COL23A1: variants seen among roughly 807,000 people sequenced by gnomAD.
The protein encoded by COL23A1 is collagen alpha-1(XXIII) chain.
COL23A1 carries 97 observed loss-of-function variants against 99.3 expected under a neutral mutation model. The ratio of observed to expected loss-of-function variants is 0.98; its 90% confidence interval spans 0.83 to 1.16. COL23A1 has a LOEUF of 1.16. Ranked by LOEUF, COL23A1 falls within the 50% of genes most tolerant of loss-of-function variation. The pLI is 0.00. For synonymous variants in COL23A1, 320 were observed against 308.2 expected (o/e 1.04, Z -0.40); for missense variants, 762 against 757.4 (o/e 1.01, Z -0.07).
intron 14 of COL23A1, 152 bp from the exon 15 acceptor site, chr5:178,256,549 A>T (rs1054089956): frequency 8.8e-6 from 6 of 678,554 alleles, no homozygotes; most frequent in Non-Finnish European, 1.2e-5. Flanking sequence ...CACTCCAGGA[A>T]CGGGGCTCCT....
chr5:178,465,433 T>A (rs1231832550), intron 2 of COL23A1, among the ~76,000 whole-genome samples: 2 of 152,110 alleles, frequency 1.3e-5, no homozygotes, highest in East Asian at 3.9e-4. Flanking sequence ...TCTCAGAAGG[T>A]CAGGAACCCA....
At chr5:178,251,904 CTTTTCTTTT>C (rs969546273) in intron 17 of COL23A1, among the ~76,000 whole-genome samples, 9 of 111,132 alleles carry the variant, frequency 8.1e-5, no homozygotes, top group South Asian at 7.0e-4. Flanking sequence ...CTTTCATTTT[CTTTTCTTTT>C]TTTTTTTTTT....
chr5:178,530,628 C>T (rs976961420), intron 2 of COL23A1, among the ~76,000 whole-genome samples: 15 of 152,126 alleles, frequency 9.9e-5, no homozygotes, highest in African/African-American at 3.1e-4. Flanking sequence ...AACCCAGTGG[C>T]TAATTTGTGA....
rs995760864 is a variant in COL23A1, at chr5:178,451,322, T to C, written c.361+109360A>G. Among the ~76,000 whole-genome samples the C allele has an allele frequency of 5.3e-5, 8 of 152,082 alleles. No homozygotes were observed. The East Asian group carries it at 1.5e-3, about 29-fold the overall frequency. ...CTGATCTCTAGAAATCCTAAGAGAA[T>C]AAGAAGCAATGAAAGAATTTAGTAA... On this transcript the variant is annotated intron_variant, in intron 2 of 28. Transcript: ENST00000390654.
At chr5:178,435,100 C>T (rs1766485872) in intron 2 of COL23A1, among the ~76,000 whole-genome samples, 1 of 152,206 alleles carries the variant, frequency 6.6e-6, no homozygotes, top group South Asian at 2.1e-4. Flanking sequence ...AGATTTGCCT[C>T]TCTCTGGGGA....
At chr5:178,482,492 A>T (rs1757394449) in intron 2 of COL23A1, among the ~76,000 whole-genome samples, 1 of 152,176 alleles carries the variant, frequency 6.6e-6, no homozygotes, top group Non-Finnish European at 1.5e-5. Flanking sequence ...ATGGAGTTTC[A>T]GTTGGGGAAG....
chr5:178,584,035 A>AT (rs1001372995), intron 1 of COL23A1, among the ~76,000 whole-genome samples: 3 of 151,556 alleles, frequency 2.0e-5, no homozygotes, highest in Non-Finnish European at 1.5e-5. Flanking sequence ...GCTGATTATT[A>AT]TTTTTTTTGA....
intron 2 of COL23A1, among the ~76,000 whole-genome samples, chr5:178,472,235 T>C (rs1054248525): frequency 4.6e-5 from 7 of 152,188 alleles, no homozygotes; most frequent in Admixed American, 3.9e-4. Flanking sequence ...GAAAGGGGCT[T>C]GAAGGAACAT....
chr5:178,586,087 C>G (rs2113759325), intron 1 of COL23A1, among the ~76,000 whole-genome samples: 2 of 152,276 alleles, frequency 1.3e-5, no homozygotes, highest in South Asian at 4.1e-4. Context: ...CACCTTGTGA[C>G]CATGAGGAAA....
intron 5 of COL23A1, among the ~76,000 whole-genome samples, chr5:178,279,523 T>C (rs1756774306): frequency 6.6e-6 from 1 of 152,182 alleles, no homozygotes; most frequent in Non-Finnish European, 1.5e-5. Context: ...CCTGGTTCAA[T>C]TGTGCCCAGA....
At chr5:178,371,339 C>CA (rs1762790109) in intron 2 of COL23A1, among the ~76,000 whole-genome samples, 1 of 152,216 alleles carries the variant, frequency 6.6e-6, no homozygotes, top group African/African-American at 2.4e-5. Context: ...TGTGTGCACT[C>CA]AGACTATGGC....
chr5:178,440,753 T>C (rs1270764798), intron 2 of COL23A1, among the ~76,000 whole-genome samples: 3 of 151,980 alleles, frequency 2.0e-5, no homozygotes, highest in Non-Finnish European at 4.4e-5. Flanking sequence ...GCAGCTAAGA[T>C]TACAGGTGCC....
intron 2 of COL23A1, among the ~76,000 whole-genome samples, chr5:178,488,856 G>T (rs1022895233): frequency 2.6e-5 from 4 of 152,212 alleles, no homozygotes; most frequent in Admixed American, 2.6e-4. Flanking sequence ...GGAAGAGGTG[G>T]TGTCTGAGCA....
At chr5:178,453,432 C>T (rs1475360576) in intron 2 of COL23A1, among the ~76,000 whole-genome samples, 6 of 152,166 alleles carry the variant, frequency 3.9e-5, no homozygotes, top group African/African-American at 9.7e-5. Context: ...GAGTCATTCC[C>T]GTGCCTGTGG....
chr5:178,242,501 T>C (rs1029635528), intron 25 of COL23A1, 107 bp from the exon 26 acceptor site: 5 of 1,115,638 alleles, frequency 4.5e-6, no homozygotes, highest in African/African-American at 3.1e-5. Flanking sequence ...CTTTCCCCCC[T>C]GCATATTCGT....
At chr5:178,411,424 C>G (rs1343281291) in intron 2 of COL23A1, among the ~76,000 whole-genome samples, 4 of 152,082 alleles carry the variant, frequency 2.6e-5, no homozygotes, top group Admixed American at 6.6e-5. Flanking sequence ...GGTAAACAAA[C>G]TGTGATACAC....
chr5:178,282,811 T>G (rs1756968414), intron 5 of COL23A1, among the ~76,000 whole-genome samples: 1 of 152,176 alleles, frequency 6.6e-6, no homozygotes, highest in East Asian at 1.9e-4. Flanking sequence ...GGAAGCACCA[T>G]GAGTGGGGGA....
intron 2 of COL23A1, among the ~76,000 whole-genome samples, chr5:178,486,073 G>A (rs997105423): frequency 2.6e-5 from 4 of 152,232 alleles, no homozygotes; most frequent in African/African-American, 4.8e-5. Flanking sequence ...AGTTAAAACT[G>A]TTTGAAATGA....
chr5:178,565,637 T>C (rs1481989701), intron 1 of COL23A1, among the ~76,000 whole-genome samples: 1 of 152,170 alleles, frequency 6.6e-6, no homozygotes, highest in Non-Finnish European at 1.5e-5. Flanking sequence ...ATTGCTATTA[T>C]CTTATCTATT....
Sources: allele counts gnomAD v4.1 joint callset (sites outside exome capture counted in the v4.1 genomes callset), GRCh38; gene constraint gnomAD v4.1.1; transcripts MANE v1.5; gene names NCBI Gene and HGNC (gene_info 2026-07-23, HGNC 2026-07-21).